Variants in HDAC10 observed in about 807,000 individuals in gnomAD.
HDAC10 encodes the protein polyamine deacetylase HDAC10.
HDAC10 carries 90 observed loss-of-function variants against 82.3 expected under a neutral mutation model. The observed-to-expected ratio is 1.09, with a 90% confidence interval of 0.92 to 1.30. The LOEUF (loss-of-function observed/expected upper bound fraction) is 1.30. Ranked by LOEUF, HDAC10 falls within the 50% of genes most tolerant of loss-of-function variation. The pLI is 0.00. For synonymous variants in HDAC10, 456 were observed against 391.7 expected (o/e 1.16, Z -1.94); for missense variants, 934 against 876.3 (o/e 1.07, Z -0.83).
chr22:50,247,015 G>A, intron 14 of HDAC10, 49 bp from the exon 15 acceptor site: 1 of 1,261,462 alleles, frequency 7.9e-7, no homozygotes, highest in Middle Eastern at 2.0e-4. Context: ...CAACTCCCAA[G>A]CCAGGTAAAC....
chr22:50,246,252 C>T (rs1447755882), intron 17 of HDAC10, 46 bp downstream of exon 17: 4 of 1,567,238 alleles, frequency 2.6e-6, no homozygotes, highest in East Asian at 2.2e-5. Context: ...TGTACACATC[C>T]ATGGGCTCCC....
At position 50,249,093 on chromosome 22, in the gene HDAC10, G is replaced by T; in HGVS notation, c.756+10C>A. On this transcript the variant is annotated intron_variant, in intron 8 of 19. Coordinates refer to ENST00000216271, the MANE Select transcript of HDAC10 (RefSeq NM_032019.6). The surrounding 1 kb of genome is among the most constrained non-coding windows in gnomAD (Gnocchi z 4.4). ...CCCGGCTGCCCTGGGGGAGCCCTCC[G>T]TGCAGTCACCTCAAAGGCCAGTGGG... is the stretch of plus-strand genomic sequence containing the variant. 1 of 1,591,604 alleles carries T rather than the reference G, an allele frequency of 6.3e-7. No homozygotes were observed. Among genetic ancestry groups the T allele is most frequent in the Non-Finnish European group, 8.6e-7 (1 of 1,168,880 alleles).
chr22:50,248,449 C>T lies in HDAC10; in HGVS notation c.930G>A (p.Leu310=), dbSNP rs754703560. 1.9e-6 allele frequency: 3 copies of T among 1,607,874 alleles called. No homozygotes were observed. The South Asian group carries it at 3.3e-5, about 18-fold the overall frequency. ...GTACTGTCATGCACACTGACTCCGC[C>T]AGTGACTCCAGGTGGTAGCCGCCCT... ...VLEGGYHLES[L]AESVCMTVQT... The change falls in exon 11 of 20, where the codon CTG becomes CTA. Residue 310 remains leucine, a synonymous_variant. Transcript: ENST00000216271. The surrounding 1 kb of genome is among the most constrained non-coding windows in gnomAD (Gnocchi z 5.4).
Position 50,248,615 on chromosome 22 carries a change from C to T in HDAC10, c.906+47G>A, listed in dbSNP as rs776114116. On this transcript the variant is annotated intron_variant, in intron 10 of 19. Coordinates refer to ENST00000216271, the MANE Select transcript of HDAC10 (RefSeq NM_032019.6). The surrounding 1 kb of genome is among the most constrained non-coding windows in gnomAD (Gnocchi z 5.4). ...CACCTGGCTCCCATGCTCCTGACCC[C>T]CAGGCCTCTGGCCCAGAGACCCTCC... 3 of 1,476,524 alleles carry T rather than the reference C, an allele frequency of 2.0e-6. No individual in the cohort carries two copies. The highest frequency in any genetic ancestry group is 2.7e-6 in the Non-Finnish European group (3 of 1,110,092). 91.5% of individuals were successfully genotyped at this position (1,476,524 alleles called of 1,614,324 possible).
In HDAC10 at chr22:50,246,061, C is replaced by T. The variant is rs748875734; in HGVS notation, c.1682G>A (p.Gly561Asp). ...GCCATAGGCCAGGGGCAGCACCAAG[C>T]CCAAGATGCAGCTCAGGAAACCACC... The part of the protein sequence containing the change: ...MTGGFLSCIL[G>D]LVLPLAYGFQ... Residue 561 changes from glycine (G) to aspartate (D), a missense_variant, in exon 18 of 20, where the codon GGC (glycine) becomes GAC (aspartate). Coordinates refer to ENST00000216271, the MANE Select transcript of HDAC10 (RefSeq NM_032019.6). 1 of 1,610,684 alleles carries T rather than the reference C, an allele frequency of 6.2e-7. No homozygotes were observed. The highest frequency in any genetic ancestry group is 8.5e-7 in the Non-Finnish European group (1 of 1,178,340).
chr22:50,247,912 C>T lies in HDAC10; in HGVS notation c.1315G>A (p.Glu439Lys), dbSNP rs770509192. The T allele has an allele frequency of 1.2e-6, 2 of 1,612,746 alleles. No homozygotes were observed. The highest frequency in any genetic ancestry group is 1.1e-5 in the South Asian group (1 of 91,074). The stretch of plus-strand genomic sequence containing the variant: ...CACCTGGCCCAGGCTTCTGTCTCCT[C>T]CCTCAGGGCTGACGCTTCCTGTTGG... ...VIQQEASALR[E>K]ETEAWARPHE... The change falls in exon 13 of 20, where the codon GAG becomes AAG. Residue 439 changes from glutamate (E) to lysine (K), a missense_variant. Physicochemically the swap from Glu to Lys is moderately conservative, Grantham distance 56. Transcript: ENST00000216271.
intron 3 of HDAC10, 40 bp downstream of exon 3, chr22:50,250,387 A>G (rs2065058710): frequency 6.3e-7 from 1 of 1,581,144 alleles, no homozygotes; most frequent in African/African-American, 1.3e-5. Flanking sequence ...AGGCACGTGC[A>G]TGTGTGTCTG....
rs2064917462 is a variant in HDAC10, at chr22:50,245,525, A to G, written c.1992T>C (p.His664=). 1 of 929,760 alleles carries G rather than the reference A, an allele frequency of 1.1e-6. No homozygotes were observed. Among genetic ancestry groups the G allele is most frequent in the South Asian group, 1.3e-5 (1 of 77,020 alleles). 57.6% of individuals were successfully genotyped at this position (929,760 alleles called of 1,614,324 possible). Residue 664 remains histidine, a synonymous_variant, in exon 20 of 20, where the codon CAT becomes CAC. Transcript: ENST00000216271. ...LEPQWKMLQC[H]PHLVA is the part of the protein sequence containing the mutation. Reference sequence around the variant, plus strand: ...GCCGATTTCAAGCCACCAGGTGAGGATGGCACTACAGGAGGAGCCGAGAAG... The same window carrying G: ...GCCGATTTCAAGCCACCAGGTGAGGGTGGCACTACAGGAGGAGCCGAGAAG...
chr22:50,250,937 C>G (rs1165206439), intron 1 of HDAC10, 32 bp from the exon 2 acceptor site: 17 of 1,609,386 alleles, frequency 1.1e-5, no homozygotes, highest in Non-Finnish European at 1.2e-5. Context: ...GTTCAGAGGT[C>G]CCTCCCCGCA....
In HDAC10 at chr22:50,248,464, G is replaced by A. The variant is rs747786984; in HGVS notation, c.915C>T (p.Tyr305=). ...CTGACTCCGCCAGTGACTCCAGGTG[G>A]TAGCCGCCCTGGGAGGAGGGTGGAG... ...GRVCAVLEGG[Y]HLESLAESVC... is the part of the protein sequence containing the mutation. The change falls in exon 11 of 20, where the codon TAC becomes TAT. Residue 305 remains tyrosine, a synonymous_variant. Transcript: ENST00000216271. This position sits in a 1 kb window ranked among gnomAD's most constrained non-coding sequence, Gnocchi z 5.4. 2 of 1,606,776 alleles carry A rather than the reference G, an allele frequency of 1.2e-6. No homozygotes were observed. The highest frequency in any genetic ancestry group is 3.3e-5 in the Admixed American group (2 of 59,912).
In HDAC10 at chr22:50,251,052, T is replaced by C. The variant is rs1323967143; in HGVS notation, c.-20A>G. 6.2e-7 allele frequency: 1 copy of C among 1,605,294 alleles called. No individual in the cohort carries two copies. The highest frequency in any genetic ancestry group is 8.5e-7 in the Non-Finnish European group (1 of 1,175,158). ...CCCCATGGCTGCGCCGTGGTCACCC[T>C]GGGTTCCCAAACGCCCTCGCTAGTG... On this transcript the variant is annotated 5_prime_UTR_variant, in exon 1 of 20. Coordinates refer to ENST00000216271, the MANE Select transcript of HDAC10 (RefSeq NM_032019.6).
chr22:50,248,638 T>TCC lies in HDAC10; in HGVS notation c.906+22_906+23dup, dbSNP rs2065013087. On this transcript the variant is annotated intron_variant, in intron 10 of 19. Coordinates refer to ENST00000216271, the MANE Select transcript of HDAC10 (RefSeq NM_032019.6). This position sits in a 1 kb window ranked among gnomAD's most constrained non-coding sequence, Gnocchi z 5.4. Reference sequence around the variant, plus strand: ...CCCCAGGCCTCTGGCCCAGAGACCCTCCCTGTGTGCCCTCCCCAGTCACCT... The same window carrying TCC: ...CCCCAGGCCTCTGGCCCAGAGACCCTCCCCCTGTGTGCCCTCCCCAGTCACCT... 1.3e-6 allele frequency: 2 copies of TCC among 1,482,800 alleles called. No homozygotes were observed. Among genetic ancestry groups the TCC allele is most frequent in the South Asian group, 2.7e-5 (2 of 74,294 alleles). 91.9% of individuals were successfully genotyped at this position (1,482,800 alleles called of 1,614,324 possible).
rs765075902 is a variant in HDAC10, at chr22:50,248,076, C to A, written c.1151G>T (p.Gly384Val). 6.2e-7 allele frequency: 1 copy of A among 1,602,508 alleles called. No individual in the cohort carries two copies. The highest frequency in any genetic ancestry group is 8.5e-7 in the Non-Finnish European group (1 of 1,173,240). Residue 384 changes from glycine (G) to valine (V), a missense_variant, in exon 13 of 20, where the codon GGG becomes GTG. By Grantham distance (109) the Gly-to-Val change is moderately radical (BLOSUM62 -3). Coordinates refer to ENST00000216271, the MANE Select transcript of HDAC10 (RefSeq NM_032019.6). The surrounding 1 kb of genome is among the most constrained non-coding windows in gnomAD (Gnocchi z 5.4). ...TGCAGCTGCCTTACACACTGGACCC[C>A]CAGGCAGCAGAGGTGGAGGCCTCCC... ...PEGRPPPLLPGGPVCKAAASA... is the reference protein window; with the variant it reads ...PEGRPPPLLPVGPVCKAAASA...
In HDAC10 at chr22:50,249,762, C is replaced by G; in HGVS notation, c.495-59G>C. 1 of 1,608,486 alleles carries G rather than the reference C, an allele frequency of 6.2e-7. No individual in the cohort carries two copies. Among genetic ancestry groups the G allele is most frequent in the South Asian group, 1.1e-5 (1 of 90,862 alleles). Reference sequence around the variant, plus strand: ...GGGCCTCCCACCTCCAGGAGCCCGGCCAGGGATGGGAAGGTGCTGGCTGGG... The same window carrying G: ...GGGCCTCCCACCTCCAGGAGCCCGGGCAGGGATGGGAAGGTGCTGGCTGGG... On this transcript the variant is annotated intron_variant, in intron 5 of 19. Transcript: ENST00000216271. The surrounding 1 kb of genome is among the most constrained non-coding windows in gnomAD (Gnocchi z 4.4).
chr22:50,249,574 C>T lies in HDAC10; in HGVS notation c.563+61G>A, dbSNP rs1601629157. On this transcript the variant is annotated intron_variant, in intron 6 of 19. Transcript: ENST00000216271. The surrounding 1 kb of genome is among the most constrained non-coding windows in gnomAD (Gnocchi z 4.4). ...TATCTCACCCCTGGATTTTCCCAGG[C>T]CAGGCTGTGCACCCAAAAACTGGGG... 1.2e-6 allele frequency: 2 copies of T among 1,608,780 alleles called. No homozygotes were observed. The highest frequency in any genetic ancestry group is 2.7e-5 in the African/African-American group (2 of 74,956).
rs200277881 is a variant in HDAC10, at chr22:50,250,143, C to T, written c.309G>A (p.Ala103=). 11 of 1,612,434 alleles carry T rather than the reference C, an allele frequency of 6.8e-6. No homozygotes were observed. Among genetic ancestry groups the T allele is most frequent in the East Asian group, 6.7e-5 (3 of 44,864 alleles). The change falls in exon 4 of 20, where the codon GCG becomes GCA. Residue 103 remains alanine, a synonymous_variant. Transcript: ENST00000216271. The part of the protein sequence containing the change: ...IYFHPSTFHC[A]RLAAGAGLQL... Reference sequence around the variant, plus strand: ...GCAGTCCAGCCCCTGCGGCCAGCCGCGCGCAGTGAAAGGTACTCTGTGGGC... The same window carrying T: ...GCAGTCCAGCCCCTGCGGCCAGCCGTGCGCAGTGAAAGGTACTCTGTGGGC...
chr22:50,246,611 CAGGCACA>C, intron 16 of HDAC10, 61 bp downstream of exon 16: 1 of 1,487,616 alleles, frequency 6.7e-7, no homozygotes. Flanking sequence ...CCCTGGGGCC[CAGGCACA>C]CGTCCATCAC....
Position 50,246,082 on chromosome 22 carries a change from C to G in HDAC10, c.1661G>C (p.Gly554Ala). 1 of 1,606,026 alleles carries G rather than the reference C, an allele frequency of 6.2e-7. No individual in the cohort carries two copies. The highest frequency in any genetic ancestry group is 8.5e-7 in the Non-Finnish European group (1 of 1,175,220). The part of the protein sequence containing the change: ...VSTPLPVMTG[G>A]FLSCILGLVL... ...CAAGCCCAAGATGCAGCTCAGGAAA[C>G]CACCGGTCATCTGTGGGGACAGCAG... The change falls in exon 18 of 20, where the codon GGT becomes GCT. Residue 554 changes from glycine (G) to alanine (A), a missense_variant. Transcript: ENST00000216271.
In HDAC10 at chr22:50,249,795, G is replaced by A. The variant is rs982213020; in HGVS notation, c.494+65C>T. 1.3e-5 allele frequency: 21 copies of A among 1,599,420 alleles called. No homozygotes were observed. Among genetic ancestry groups the A allele is most frequent in the South Asian group, 3.3e-5 (3 of 90,454 alleles). ...GGGAAGGTGCTGGCTGGGTTCTCTC[G>A]CCTCCTGCGCTGCCCCTTGCTGTGT... is the stretch of plus-strand genomic sequence containing the variant. On this transcript the variant is annotated intron_variant, in intron 5 of 19. Transcript: ENST00000216271. This position sits in a 1 kb window ranked among gnomAD's most constrained non-coding sequence, Gnocchi z 4.4.
Sources: gnomAD v4.1 joint callset for allele counts on GRCh38, gnomAD v4.1.1 for gene constraint, Gnocchi (gnomAD v3.1) non-coding constraint, MANE v1.5 for transcripts, NCBI Gene and HGNC (gene_info 2026-07-23, HGNC 2026-07-21) for gene names.